Variants in STAC2 observed in about 807,000 individuals in gnomAD.
STAC2 encodes the protein SH3 and cysteine-rich domain-containing protein 2.
In STAC2, 36 loss-of-function variants were observed where a neutral mutation model predicts 49.0. The observed-to-expected ratio is 0.74, with a 90% CI of 0.56 to 0.97. STAC2 has a LOEUF of 0.97. Ranked by LOEUF, STAC2 falls within the 50% of genes least tolerant of loss-of-function variation. The pLI is 0.00. For missense variants in STAC2, 527 were observed against 543.8 expected, an observed-to-expected ratio of 0.97 and a Z score of 0.31; for synonymous variants, 239 against 214.7, an observed-to-expected ratio of 1.11 and a Z score of -0.99.
intron 4 of STAC2, among the ~76,000 whole-genome samples, chr17:39,216,606 T>A (rs1248028710): frequency 6.6e-6 from 1 of 152,164 alleles, no homozygotes; most frequent in Non-Finnish European, 1.5e-5. Context: ...AATGTTGATT[T>A]CTTTCTTTTT....
At chr17:39,217,250 G>A (rs1597733854) in intron 2 of STAC2, 77 bp from the exon 3 acceptor site, 2 of 1,419,676 alleles carry the variant, frequency 1.4e-6, no homozygotes, top group Admixed American at 1.7e-5. Flanking sequence ...TAGGGGATGA[G>A]GAGAGCAGGG....
In STAC2 at chr17:39,213,038, G is replaced by A; in HGVS notation, c.1088C>T (p.Ser363Phe). The A allele has an allele frequency of 1.9e-6, 3 of 1,613,984 alleles. No homozygotes were observed. The highest frequency in any genetic ancestry group is 1.1e-5 in the South Asian group (1 of 91,082). ...ENVWRCCQPF[S>F]GNKEQGYMSL... is the part of the protein sequence containing the mutation. ...CATGTAACCCTGTTCCTTGTTCCCG[G>A]AGAAGGGTTGGCAGCAGCGCCAAAC... Residue 363 changes from serine (S) to phenylalanine (F), a missense_variant, in exon 10 of 11, where the codon TCC (serine) becomes TTC (phenylalanine). Coordinates refer to ENST00000333461, the MANE Select transcript of STAC2 (RefSeq NM_198993.5).
At chr17:39,222,146 C>T (rs36106822) in intron 1 of STAC2, among the ~76,000 whole-genome samples, 12,572 of 152,230 alleles carry the variant, frequency 0.083, 1,696 homozygotes, top group African/African-American at 0.29. Flanking sequence ...TTTGAAGACA[C>T]CATCAGTCAT....
chr17:39,212,291 C>G lies in STAC2; in HGVS notation c.*1G>C, dbSNP rs375181928. On this transcript the variant is annotated 3_prime_UTR_variant, in exon 11 of 11. Transcript: ENST00000333461. ...TGTCATCTGGGTTCCCTTGGCTCCT[C>G]TCAGATCTCAGTCAGGGCGTCGACT... The G allele has an allele frequency of 8.3e-5, 133 of 1,605,870 alleles. No homozygotes were observed. The highest frequency in any genetic ancestry group is 1.1e-4 in the Non-Finnish European group (128 of 1,175,628).
At chr17:39,220,182 C>T (rs2046447717) in intron 1 of STAC2, among the ~76,000 whole-genome samples, 1 of 152,138 alleles carries the variant, frequency 6.6e-6, no homozygotes, top group Non-Finnish European at 1.5e-5. Context: ...CCCCAGATGC[C>T]TGGGCCTTGG....
chr17:39,211,000 A>C lies in STAC2; in HGVS notation c.*1292T>G, dbSNP rs942825612. ...TTCCCAGGGCTCTGTGTCCAGAACA[A>C]GGGAGCAGATAAAGCCAGCAAAGGG... On this transcript the variant is annotated 3_prime_UTR_variant, in exon 11 of 11. Coordinates refer to ENST00000333461, the MANE Select transcript of STAC2 (RefSeq NM_198993.5). 1 of 152,544 alleles carries C rather than the reference A, an allele frequency of 6.6e-6. No individual in the cohort carries two copies. The highest frequency in any genetic ancestry group is 2.4e-5 in the African/African-American group (1 of 41,426). 9.4% of individuals were successfully genotyped at this position (152,544 alleles called of 1,614,324 possible). A position where few individuals can be genotyped will look rare whatever the true frequency, so the allele number is the denominator to read the frequency against.
intron 4 of STAC2, among the ~76,000 whole-genome samples, 198 bp from the exon 5 acceptor site, chr17:39,215,428 C>T (rs1174801314): frequency 6.6e-6 from 1 of 152,206 alleles, no homozygotes; most frequent in Non-Finnish European, 1.5e-5. Context: ...CCTCACTGTC[C>T]TCACTGCCCA....
In STAC2 at chr17:39,214,320, G is replaced by C; in HGVS notation, c.854C>G (p.Ala285Gly). Residue 285 changes from alanine to glycine, a missense_variant, in exon 8 of 11, where the codon GCC becomes GGC. By Grantham distance (60) the Ala-to-Gly change is moderately conservative (BLOSUM62 0). Coordinates refer to ENST00000333461, the MANE Select transcript of STAC2 (RefSeq NM_198993.5). ...GGGCCCCACATCCTTCCGCAGGGTG[G>C]CTTTGGGGAGCTGCGGGAGAATCTC... ...EKSPGQQLPK[A>G]TLRKDVGPMY... 6.2e-7 allele frequency: 1 copy of C among 1,613,938 alleles called. No individual in the cohort carries two copies. The highest frequency in any genetic ancestry group is 8.5e-7 in the Non-Finnish European group (1 of 1,179,890).
chr17:39,213,049 G>A lies in STAC2; in HGVS notation c.1077C>T (p.Cys359=). 6.2e-7 allele frequency: 1 copy of A among 1,613,900 alleles called. No homozygotes were observed. Among genetic ancestry groups the A allele is most frequent in the Middle Eastern group, 1.6e-4 (1 of 6,062 alleles). The change falls in exon 10 of 11, where the codon TGC becomes TGT. Residue 359 remains cysteine (C), a synonymous_variant. Coordinates refer to ENST00000333461, the MANE Select transcript of STAC2 (RefSeq NM_198993.5). ...GTTCCTTGTTCCCGGAGAAGGGTTG[G>A]CAGCAGCGCCAAACATTCTCGCCTG... The part of the protein sequence containing the change: ...VRPGENVWRC[C]QPFSGNKEQG...
rs147361710 is a variant in STAC2, at chr17:39,211,399, C to T, written c.*893G>A. The T allele has an allele frequency of 6.6e-6, 1 of 152,360 alleles. No individual in the cohort carries two copies. The highest frequency in any genetic ancestry group is 1.5e-5 in the Non-Finnish European group (1 of 68,162). 9.4% of individuals were successfully genotyped at this position (152,360 alleles called of 1,614,324 possible). On this transcript the variant is annotated 3_prime_UTR_variant, in exon 11 of 11. Transcript: ENST00000333461. The stretch of plus-strand genomic sequence containing the variant: ...TCCCGGGTTCAAGTGATTCTCTTGC[C>T]TCAGCCTCTGGAGTAGCTGGCATTA...
rs980181901 is a variant in STAC2, at chr17:39,225,144, C to T, written c.90+269G>A. Among the ~76,000 whole-genome samples the T allele has an allele frequency of 3.3e-5, 5 of 152,174 alleles. No homozygotes were observed. The highest frequency in any genetic ancestry group is 9.7e-5 in the African/African-American group (4 of 41,448). Reference sequence around the variant, plus strand: ...CCGCTCCACGCGCGCCCTCCGGCCTCGCTGCGCCCATCTCTCCAACGAAGA... The same window carrying T: ...CCGCTCCACGCGCGCCCTCCGGCCTTGCTGCGCCCATCTCTCCAACGAAGA... On this transcript the variant is annotated intron_variant, in intron 1 of 10. Transcript: ENST00000333461. The surrounding 1 kb of genome is among the most constrained non-coding windows in gnomAD (Gnocchi z 8.2).
At chr17:39,222,246 T>C (rs922116490) in intron 1 of STAC2, among the ~76,000 whole-genome samples, 2 of 152,200 alleles carry the variant, frequency 1.3e-5, no homozygotes, top group African/African-American at 4.8e-5. Context: ...TGTCCTTTCC[T>C]GGTACCCCTT....
At chr17:39,217,022 T>G (rs967764738) in intron 3 of STAC2, 54 bp downstream of exon 3, 6 of 1,609,364 alleles carry the variant, frequency 3.7e-6, no homozygotes, top group Non-Finnish European at 5.1e-6. Context: ...CATTCTCCCA[T>G]GTGACAGTAC....
rs1259017752 is a variant in STAC2 at position 39,214,807 on chromosome 17, T to C, written c.827A>G (p.Lys276Arg). 6.2e-7 allele frequency: 1 copy of C among 1,614,048 alleles called. No homozygotes were observed. Among genetic ancestry groups the C allele is most frequent in the Admixed American group, 1.7e-5 (1 of 60,014 alleles). Residue 276 changes from lysine to arginine, a missense_variant, in exon 7 of 11, where the codon AAG (lysine) becomes AGG (arginine). Transcript: ENST00000333461. ...CAGGCTCACCTGCTGTCCAGGACTC[T>C]TCTCCTCTGGTCCTGGCCCTTCACT... ...AESEGPGPEE[K>R]SPGQQLPKAT... is the part of the protein sequence containing the mutation.
intron 4 of STAC2, 71 bp from the exon 5 acceptor site, chr17:39,215,301 C>T: frequency 6.6e-7 from 1 of 1,508,326 alleles, no homozygotes; most frequent in Non-Finnish European, 9.2e-7. Context: ...GCTCAGCATG[C>T]CCCAGGCTGA....
In STAC2 at chr17:39,225,373, G is replaced by A. The variant is rs764449192; in HGVS notation, c.90+40C>T. The stretch of plus-strand genomic sequence containing the variant: ...GGACCCCGCCGGGAAGAGGGCGCCC[G>A]GGCCCGGGGCGCGGACAGGCCTTGC... On this transcript the variant is annotated intron_variant, in intron 1 of 10. Coordinates refer to ENST00000333461, the MANE Select transcript of STAC2 (RefSeq NM_198993.5). The surrounding 1 kb of genome is among the most constrained non-coding windows in gnomAD (Gnocchi z 8.2). 9.1e-6 allele frequency: 14 copies of A among 1,545,888 alleles called. No individual in the cohort carries two copies. Among genetic ancestry groups the A allele is most frequent in the Admixed American group, 5.7e-5 (3 of 52,954 alleles).
rs11656897 is a variant in STAC2 at position 39,214,175 on chromosome 17, T to C, written c.941+58A>G. ...TCCTGAAGGCCCCCCTCACACTGTG[T>C]TTCAAGGTCTGGGAGCGCAGAGCTG... On this transcript the variant is annotated intron_variant, in intron 8 of 10. Coordinates refer to ENST00000333461, the MANE Select transcript of STAC2 (RefSeq NM_198993.5). The C allele has an allele frequency of 0.029, 46,091 of 1,591,840 alleles. 8,800 individuals carry two copies. In the African/African-American group the frequency reaches 0.47, roughly 16 times the overall value.
chr17:39,222,030 T>C (rs2046468006), intron 1 of STAC2, among the ~76,000 whole-genome samples: 1 of 152,180 alleles, frequency 6.6e-6, no homozygotes, highest in Admixed American at 6.5e-5. Context: ...TGCTTCCCCA[T>C]ATAGAGCTGA....
rs1010090861 is a variant in STAC2 at position 39,211,331 on chromosome 17, C to T, written c.*961G>A. The T allele has an allele frequency of 6.7e-6, 1 of 150,176 alleles. No individual in the cohort carries two copies. Among genetic ancestry groups the T allele is most frequent in the Non-Finnish European group, 1.5e-5 (1 of 68,044 alleles). 9.3% of individuals were successfully genotyped at this position (150,176 alleles called of 1,614,324 possible). A position where few individuals can be genotyped will look rare whatever the true frequency, so the allele number is the denominator to read the frequency against. ...ACGGAGTCTCGCTCTGTTGCCCAGG[C>T]TGGGGTGCAATGGTGCAATCTCGGC... On this transcript the variant is annotated 3_prime_UTR_variant, in exon 11 of 11. Transcript: ENST00000333461.
Sources: gnomAD v4.1 joint callset for allele counts (sites outside exome capture counted in the v4.1 genomes callset) on GRCh38, gnomAD v4.1.1 for gene constraint, Gnocchi (gnomAD v3.1) non-coding constraint, MANE v1.5 for transcripts, NCBI Gene and HGNC (gene_info 2026-07-23, HGNC 2026-07-21) for gene names.